COL17A1: variants seen among roughly 807,000 people sequenced by gnomAD.
The protein encoded by COL17A1 is collagen type XVII alpha 1 chain, also known as collagen alpha-1(XVII) chain.
In COL17A1, 181 loss-of-function variants were observed where a neutral mutation model predicts 218.4. The ratio of observed to expected loss-of-function variants is 0.83; its 90% CI spans 0.73 to 0.94. COL17A1 has a LOEUF of 0.94. COL17A1 is among the 40% of genes least tolerant of loss of function. The pLI, the probability that COL17A1 is intolerant of heterozygous loss-of-function variation, is 0.00. For synonymous variants in COL17A1, 721 were observed against 731.0 expected (o/e 0.99, Z 0.22); for missense variants, 1,924 against 1,945.9 (o/e 0.99, Z 0.21).
Position 104,055,400 on chromosome 10 carries a change from T to C in COL17A1, c.1689A>G (p.Gly563=). 1 of 1,612,072 alleles carries C rather than the reference T, an allele frequency of 6.2e-7. No homozygotes were observed. Among genetic ancestry groups the C allele is most frequent in the Admixed American group, 1.7e-5 (1 of 59,662 alleles). Residue 563 remains glycine (G), a splice_region_variant and synonymous_variant, in exon 19 of 56, where the codon GGA becomes GGG. Coordinates refer to ENST00000648076, the MANE Select transcript of COL17A1 (RefSeq NM_000494.4). The part of the protein sequence containing the change: ...RKKLMMEQEN[G]NLRGSPGPKG... ...TAGGGCCAGGGCTTCCTCGGAGATT[T>C]CCTGCAAGAAAAAGCAAATCCTGAG... is the stretch of plus-strand genomic sequence containing the variant.
At chr10:104,080,498 A>T in intron 2 of COL17A1, 124 bp downstream of exon 2, 1 of 1,128,326 alleles carries the variant, frequency 8.9e-7, no homozygotes, top group Non-Finnish European at 1.3e-6. Context: ...AAGTCCATTT[A>T]GGAACACACT....
At chr10:104,076,545 C>T in intron 4 of COL17A1, 116 bp from the exon 5 acceptor site, 1 of 1,418,564 alleles carries the variant, frequency 7.0e-7, no homozygotes, top group African/African-American at 1.4e-5. Context: ...CGGGAGGGCA[C>T]AGCTGAAAGG....
intron 46 of COL17A1, among the ~76,000 whole-genome samples, chr10:104,037,331 T>G (rs1253865607): frequency 6.6e-6 from 1 of 151,054 alleles, no homozygotes; most frequent in African/African-American, 2.4e-5. Context: ...TTTGAGAACA[T>G]GCTTTAGCCT....
chr10:104,069,548 T>G (rs1194547383), intron 9 of COL17A1, among the ~76,000 whole-genome samples: 1 of 152,156 alleles, frequency 6.6e-6, no homozygotes, highest in African/African-American at 2.4e-5. Context: ...CTCCTTAGGA[T>G]TAGAACAGCC....
At chr10:104,034,961 G>A (rs997335644) in intron 50 of COL17A1, among the ~76,000 whole-genome samples, 194 bp from the exon 51 acceptor site, 3 of 152,276 alleles carry the variant, frequency 2.0e-5, no homozygotes, top group East Asian at 1.9e-4. Flanking sequence ...GGCTGTTCCC[G>A]TCAGGCTCTC....
chr10:104,064,456 C>A lies in COL17A1; in HGVS notation c.748G>T (p.Ala250Ser). 4 of 1,614,112 alleles carry A rather than the reference C, an allele frequency of 2.5e-6. No individual in the cohort carries two copies. Among genetic ancestry groups the A allele is most frequent in the Non-Finnish European group, 3.4e-6 (4 of 1,180,026 alleles). ...TQSSSLLNTN[A>S]YSAGSVFGVP... ...CAGGTACCTGATCCCGCAGAGTAGGCATTGGTGTTGAGGAGGGATGAGCTC... is the reference window on the plus strand; with the variant it reads ...CAGGTACCTGATCCCGCAGAGTAGGAATTGGTGTTGAGGAGGGATGAGCTC... Residue 250 changes from alanine (A) to serine (S), a missense_variant, in exon 10 of 56, where the codon GCC becomes TCC. Physicochemically the swap from Ala to Ser is moderately conservative, Grantham distance 99 (BLOSUM62 1). Transcript: ENST00000648076.
intron 33 of COL17A1, among the ~76,000 whole-genome samples, chr10:104,045,363 C>T (rs973693440): frequency 5.9e-5 from 9 of 152,268 alleles, no homozygotes; most frequent in South Asian, 4.2e-4. Context: ...GTAGCTCCTG[C>T]CCCAGGGGAA....
In COL17A1 at chr10:104,064,599, G is replaced by A. The variant is rs1372703752; in HGVS notation, c.608-3C>T. ...CGTTGCATCGTAGGTGCCTGACACT[G>A]GAAACAGACACATGCACACACCCCA... On this transcript the variant is annotated splice_polypyrimidine_tract_variant and splice_region_variant and intron_variant, in intron 9 of 55. Transcript: ENST00000648076. The A allele has an allele frequency of 1.9e-6, 3 of 1,611,544 alleles. No homozygotes were observed. Among genetic ancestry groups the A allele is most frequent in the Admixed American group, 3.3e-5 (2 of 59,780 alleles).
At chr10:104,063,653 G>A (rs2086601913) in intron 11 of COL17A1, 94 bp downstream of exon 11, 2 of 1,556,742 alleles carry the variant, frequency 1.3e-6, no homozygotes, top group Non-Finnish European at 1.8e-6. Flanking sequence ...GCTGCAGTAT[G>A]CATGGAAGAA....
At chr10:104,045,673 A>T in intron 33 of COL17A1, 85 bp downstream of exon 33, 1 of 1,138,602 alleles carries the variant, frequency 8.8e-7, no homozygotes, top group Non-Finnish European at 1.3e-6. Context: ...GGCTCTGGCC[A>T]GAGAGAGGCC....
chr10:104,051,036 C>A, intron 25 of COL17A1, 135 bp from the exon 26 acceptor site: 1 of 1,475,810 alleles, frequency 6.8e-7, no homozygotes. Context: ...GGATGCTTTC[C>A]ATGGACTCCT....
intron 44 of COL17A1, among the ~76,000 whole-genome samples, 158 bp from the exon 45 acceptor site, chr10:104,038,686 C>G (rs1211077926): frequency 6.6e-6 from 1 of 152,062 alleles, no homozygotes; most frequent in East Asian, 1.9e-4. Flanking sequence ...GAAGAAAGGA[C>G]AGCCTGTAAC....
In COL17A1 at chr10:104,080,689, A is replaced by T; in HGVS notation, c.-11-5T>A. ...TTACATCCATACCATAGCCACCTGC[A>T]GGAAAAATCAGAAACCATGATAGTC... On this transcript the variant is annotated splice_region_variant and splice_polypyrimidine_tract_variant and intron_variant, in intron 1 of 55. Transcript: ENST00000648076. 1 of 1,613,106 alleles carries T rather than the reference A, an allele frequency of 6.2e-7. No homozygotes were observed. Among genetic ancestry groups the T allele is most frequent in the Non-Finnish European group, 8.5e-7 (1 of 1,179,952 alleles).
intron 36 of COL17A1, 98 bp from the exon 37 acceptor site, chr10:104,041,636 C>T: frequency 9.7e-7 from 1 of 1,029,350 alleles, no homozygotes; most frequent in Non-Finnish European, 1.5e-6. Context: ...CCAGGCACTC[C>T]AGGCTACCCT....
intron 5 of COL17A1, among the ~76,000 whole-genome samples, chr10:104,075,890 T>C (rs1425962603): frequency 6.6e-6 from 1 of 152,256 alleles, no homozygotes; most frequent in African/African-American, 2.4e-5. Flanking sequence ...CCCTCCTCCA[T>C]AGAATTTTCC....
chr10:104,057,027 C>T lies in COL17A1; in HGVS notation c.1413G>A (p.Leu471=), dbSNP rs759603663. 1.3e-6 allele frequency: 2 copies of T among 1,597,928 alleles called. No homozygotes were observed. The highest frequency in any genetic ancestry group is 3.5e-5 in the Admixed American group (2 of 56,766). The change falls in exon 17 of 56, where the codon CTG becomes CTA. Residue 471 remains leucine, a synonymous_variant. Coordinates refer to ENST00000648076, the MANE Select transcript of COL17A1 (RefSeq NM_000494.4). The part of the protein sequence containing the change: ...CCSWWKWLLG[L]LLTWLLLLGL... ...CCAGGAGTAGCAGCCAGGTGAGCAG[C>T]AGGCCCAGCAGCCACTTCCACCAGC...
At chr10:104,052,269 C>A in intron 23 of COL17A1, 52 bp from the exon 24 acceptor site, 1 of 1,608,504 alleles carries the variant, frequency 6.2e-7, no homozygotes, top group Non-Finnish European at 8.5e-7. Flanking sequence ...AGTGTGGCTG[C>A]CCCCTATCCT....
chr10:104,032,886 G>A lies in COL17A1; in HGVS notation c.4357+20C>T, dbSNP rs1384770759. The A allele has an allele frequency of 6.2e-7, 1 of 1,613,978 alleles. No homozygotes were observed. Among genetic ancestry groups the A allele is most frequent in the African/African-American group, 1.3e-5 (1 of 74,942 alleles). ...GGTGTTAACACAGGATCCAGGGACT[G>A]GCTCTCTGCCACCACTTACCTTTGG... On this transcript the variant is annotated intron_variant, in intron 54 of 55. Coordinates refer to ENST00000648076, the MANE Select transcript of COL17A1 (RefSeq NM_000494.4).
intron 53 of COL17A1, 87 bp downstream of exon 53, chr10:104,033,151 T>G: frequency 6.5e-7 from 1 of 1,544,468 alleles, no homozygotes; most frequent in Non-Finnish European, 8.8e-7. Flanking sequence ...TAACTGGAGA[T>G]TTCTCATGAG....
Sources: gnomAD v4.1 joint callset for allele counts (sites outside exome capture counted in the v4.1 genomes callset) on GRCh38, gnomAD v4.1.1 for gene constraint, MANE v1.5 for transcripts, NCBI Gene and HGNC (gene_info 2026-07-23, HGNC 2026-07-21) for gene names.